TMTC2: variants seen among roughly 807,000 people sequenced by gnomAD.
The protein encoded by TMTC2 is transmembrane O-mannosyltransferase targeting cadherins 2.
A neutral mutation model predicts 82.4 loss-of-function variants in TMTC2; 43 were observed. That is an observed-to-expected ratio of 0.52 (90% CI 0.41 to 0.67). The LOEUF is 0.67. TMTC2 is among the 30% of genes least tolerant of loss of function. The pLI, the probability that TMTC2 is intolerant of heterozygous loss-of-function variation, is 0.00. For missense variants in TMTC2, 919 were observed against 1,012.4 expected, an observed-to-expected ratio of 0.91 and a Z score of 1.25; for synonymous variants, 408 against 381.9, an observed-to-expected ratio of 1.07 and a Z score of -0.80.
In TMTC2 at chr12:82,911,613, C is replaced by CT. The variant is rs1432932721; in HGVS notation, c.1483+14974dup. ...GTATTCTTATTTATTTTTTTCTTTTCTTTTTTTGAGATGGCGTCTTGCTCT... is the reference window on the plus strand; with the variant it reads ...GTATTCTTATTTATTTTTTTCTTTTCTTTTTTTTGAGATGGCGTCTTGCTCT... On this transcript the variant is annotated intron_variant, in intron 3 of 11. Transcript: ENST00000321196. Among the ~76,000 whole-genome samples the CT allele has an allele frequency of 2.6e-5, 4 of 151,532 alleles. No homozygotes were observed. The East Asian group carries it at 7.8e-4, about 29-fold the overall frequency.
At chr12:83,084,446 A>G (rs1883579792) in intron 11 of TMTC2, among the ~76,000 whole-genome samples, 1 of 152,176 alleles carries the variant, frequency 6.6e-6, no homozygotes, top group South Asian at 2.1e-4. Flanking sequence ...GTCGTTTTCA[A>G]AGAAAACCCC....
At chr12:82,696,835 A>G (rs1295985565) in intron 1 of TMTC2, among the ~76,000 whole-genome samples, 1 of 152,014 alleles carries the variant, frequency 6.6e-6, no homozygotes, top group Non-Finnish European at 1.5e-5. Context: ...CATATGGACA[A>G]TTGACTTTTT....
At chr12:82,953,462 A>AT (rs1565825646) in intron 4 of TMTC2, among the ~76,000 whole-genome samples, 1 of 152,132 alleles carries the variant, frequency 6.6e-6, no homozygotes, top group East Asian at 1.9e-4. Flanking sequence ...ACTCATATCT[A>AT]TTTTATCAAA....
intron 10 of TMTC2, among the ~76,000 whole-genome samples, chr12:83,058,491 C>A (rs542252133): frequency 6.6e-6 from 1 of 151,886 alleles, no homozygotes; most frequent in Non-Finnish European, 1.5e-5. Context: ...TGGGAGGTCC[C>A]AACAGCTATG....
At chr12:83,126,468 AT>A (rs1885101395) in intron 11 of TMTC2, among the ~76,000 whole-genome samples, 2 of 152,070 alleles carry the variant, frequency 1.3e-5, no homozygotes, top group South Asian at 4.1e-4. Flanking sequence ...TTCTTTATTC[AT>A]TTTGTCAATC....
intron 1 of TMTC2, among the ~76,000 whole-genome samples, chr12:82,755,435 GACTA>G (rs774673053): frequency 2.4e-4 from 37 of 152,312 alleles, no homozygotes; most frequent in African/African-American, 8.2e-4. Context: ...TGCCCACAGT[GACTA>G]ACTGATGATT....
At chr12:82,703,390 CTTTCCTTTTATGATATAGAGGA>C (rs1463426413) in intron 1 of TMTC2, among the ~76,000 whole-genome samples, 1 of 151,774 alleles carries the variant, frequency 6.6e-6, no homozygotes, top group Non-Finnish European at 1.5e-5. Context: ...TGATACAGTG[CTTTCCTTTTATGATATAGAGGA>C]GGGATGATTC....
chr12:82,760,655 A>G (rs911747162), intron 1 of TMTC2, among the ~76,000 whole-genome samples: 1 of 151,972 alleles, frequency 6.6e-6, no homozygotes, highest in Non-Finnish European at 1.5e-5. Flanking sequence ...CAGGAGGTGA[A>G]TGGCAGGTGA....
chr12:82,936,503 A>G (rs1876325628), intron 4 of TMTC2, among the ~76,000 whole-genome samples: 1 of 152,120 alleles, frequency 6.6e-6, no homozygotes, highest in Non-Finnish European at 1.5e-5. Flanking sequence ...TAAAATTAAT[A>G]TAATGGATGT....
chr12:82,936,486 C>T (rs1452711027), intron 4 of TMTC2, among the ~76,000 whole-genome samples: 3 of 151,920 alleles, frequency 2.0e-5, no homozygotes, highest in Non-Finnish European at 4.4e-5. Context: ...AATGTATATA[C>T]ATGTCTTAAA....
chr12:83,094,234 C>T (rs1883946020), intron 11 of TMTC2, among the ~76,000 whole-genome samples: 1 of 152,190 alleles, frequency 6.6e-6, no homozygotes, highest in African/African-American at 2.4e-5. Context: ...TTGAAAAGGC[C>T]AGAGAAGATG....
In TMTC2 at chr12:82,837,300, G is replaced by T. The variant is rs189516794; in HGVS notation, c.84-19710G>T. On this transcript the variant is annotated intron_variant, in intron 1 of 11. Coordinates refer to ENST00000321196, the MANE Select transcript of TMTC2 (RefSeq NM_152588.3). ...ATAAGATTGGATTTACAAATTAAAT[G>T]ATTTGATTCAATAAATGTGTACAAT... is the stretch of plus-strand genomic sequence containing the variant. 1.3e-4 allele frequency among the ~76,000 whole-genome samples: 20 copies of T among 152,244 alleles called. No individual in the cohort carries two copies. The East Asian group carries it at 3.7e-3, about 28-fold the overall frequency.
intron 4 of TMTC2, among the ~76,000 whole-genome samples, chr12:82,936,632 GA>G (rs1219572106): frequency 6.6e-6 from 1 of 152,082 alleles, no homozygotes; most frequent in Non-Finnish European, 1.5e-5. Flanking sequence ...GTCAGAGGAT[GA>G]AAAAAATATC....
rs138934684 is a variant in TMTC2, at chr12:82,937,425, T to A, written c.1598+6880T>A. On this transcript the variant is annotated intron_variant, in intron 4 of 11. Coordinates refer to ENST00000321196, the MANE Select transcript of TMTC2 (RefSeq NM_152588.3). ...CATCTTCTTAAAAGGACATCAGTCA[T>A]ATGGGATTGGGGCCTACCCATAATA... is the stretch of plus-strand genomic sequence containing the variant. 5.2e-3 allele frequency among the ~76,000 whole-genome samples: 798 copies of A among 152,306 alleles called. 8 individuals are homozygous for A. The highest frequency in any genetic ancestry group is 0.019 in the African/African-American group (774 of 41,558).
chr12:83,032,025 T>C (rs985832161), intron 9 of TMTC2, among the ~76,000 whole-genome samples: 5 of 152,020 alleles, frequency 3.3e-5, no homozygotes, highest in African/African-American at 1.2e-4. Context: ...GGTTTTCCTA[T>C]ATGAAGTACT....
chr12:82,893,697 T>TAA (rs200469082), intron 2 of TMTC2, among the ~76,000 whole-genome samples: 5 of 149,054 alleles, frequency 3.4e-5, no homozygotes, highest in African/African-American at 9.8e-5. Context: ...CCTTTTAGAT[T>TAA]AAAAAAAAAA....
At chr12:83,048,048 T>C (rs1248177168) in intron 9 of TMTC2, among the ~76,000 whole-genome samples, 1 of 152,218 alleles carries the variant, frequency 6.6e-6, no homozygotes, top group Non-Finnish European at 1.5e-5. Context: ...AAAAGAACAA[T>C]TAATAATTTC....
At chr12:82,766,779 T>C (rs1876984962) in intron 1 of TMTC2, among the ~76,000 whole-genome samples, 1 of 147,478 alleles carries the variant, frequency 6.8e-6, no homozygotes, top group Non-Finnish European at 1.5e-5. Context: ...CATTGTTGAT[T>C]CTTCTATTTA....
chr12:83,029,042 G>C (rs1881302510), intron 8 of TMTC2, among the ~76,000 whole-genome samples: 1 of 152,268 alleles, frequency 6.6e-6, no homozygotes, highest in African/African-American at 2.4e-5. Context: ...ACTAGCTATA[G>C]GTAGTAGAGA....
Sources: gnomAD v4.1 joint callset for allele counts (sites outside exome capture counted in the v4.1 genomes callset) on GRCh38, gnomAD v4.1.1 for gene constraint, MANE v1.5 for transcripts, NCBI Gene and HGNC (gene_info 2026-07-23, HGNC 2026-07-21) for gene names.